KIF13A: variants seen among roughly 807,000 people sequenced by gnomAD.
KIF13A encodes kinesin family member 13A, also known as kinesin-like protein KIF13A.
Under a neutral mutation model 212.2 loss-of-function variants are expected in KIF13A, and 79 were observed. The ratio of observed to expected loss-of-function variants is 0.37; its 90% CI spans 0.31 to 0.45. KIF13A has a LOEUF of 0.45. Ranked by LOEUF, KIF13A falls within the 20% of genes least tolerant of loss-of-function variation. The pLI is 1.00. For missense variants in KIF13A, 1,901 were observed against 2,209.0 expected (o/e 0.86, Z 2.79); for synonymous variants, 789 against 808.6 (o/e 0.98, Z 0.41).
At chr6:17,805,370 C>CGTGT (rs59526903) in intron 19 of KIF13A, 105 bp downstream of exon 19, 16,006 of 730,600 alleles carry the variant, frequency 0.022, 130 homozygotes, top group African/African-American at 0.054. Context: ...AGCACATCTC[C>CGTGT]GTGTGTGTGT....
chr6:17,942,337 T>A (rs13218840), intron 2 of KIF13A, among the ~76,000 whole-genome samples: 2 of 43,828 alleles, frequency 4.6e-5, no homozygotes, highest in Non-Finnish European at 7.3e-5. Flanking sequence ...CAACAACAAA[T>A]ATATATATAT....
intron 4 of KIF13A, among the ~76,000 whole-genome samples, chr6:17,858,157 C>T (rs565429534): frequency 1.3e-5 from 2 of 150,744 alleles, no homozygotes; most frequent in East Asian, 3.9e-4. Context: ...GAGAGATCTA[C>T]AAATGCTAAA....
intron 13 of KIF13A, among the ~76,000 whole-genome samples, chr6:17,830,187 G>A (rs751348879): frequency 2.6e-5 from 4 of 152,112 alleles, no homozygotes; most frequent in Admixed American, 6.5e-5. Context: ...AGAACCCCCG[G>A]GGTCTCTGAG....
rs534618348 is a variant in KIF13A at position 17,843,860 on chromosome 6, C to T, written c.830+5517G>A. Among the ~76,000 whole-genome samples, 5 of 152,206 alleles carry T rather than the reference C, an allele frequency of 3.3e-5. No homozygotes were observed. The highest frequency in any genetic ancestry group is 5.9e-5 in the Non-Finnish European group (4 of 68,012). ...AGGAGTTTGAGACCAGCCTGGCCAACATGGTGAAACCCTTCCACTACTAAA... is the reference window on the plus strand; with the variant it reads ...AGGAGTTTGAGACCAGCCTGGCCAATATGGTGAAACCCTTCCACTACTAAA... On this transcript the variant is annotated intron_variant, in intron 9 of 38. Coordinates refer to ENST00000259711, the MANE Select transcript of KIF13A (RefSeq NM_022113.6). This position sits in a 1 kb window ranked among gnomAD's most constrained non-coding sequence, Gnocchi z 5.3.
intron 38 of KIF13A, among the ~76,000 whole-genome samples, chr6:17,766,875 G>C (rs905987746): frequency 6.6e-6 from 1 of 152,078 alleles, no homozygotes; most frequent in Non-Finnish European, 1.5e-5. Flanking sequence ...CTCAAAAAAA[G>C]TTTAATACTC....
At chr6:17,822,379 G>T (rs1044619777) in intron 16 of KIF13A, among the ~76,000 whole-genome samples, 7 of 152,134 alleles carry the variant, frequency 4.6e-5, no homozygotes, top group African/African-American at 1.4e-4. Context: ...ATCAACACTG[G>T]AGAGCAAGGC....
rs1761379170 is a variant in KIF13A at position 17,789,786 on chromosome 6, T to TCCTCCTC, written c.3261+79_3261+85dup. On this transcript the variant is annotated intron_variant, in intron 26 of 38. Coordinates refer to ENST00000259711, the MANE Select transcript of KIF13A (RefSeq NM_022113.6). The surrounding 1 kb of genome is among the most constrained non-coding windows in gnomAD (Gnocchi z 4.8). ...CATATTCTCGCTCTAGGGCCCTCCT[T>TCCTCCTC]CCTCCTCCCTGGCCTCTGCTTTGCG... 1.8e-6 allele frequency: 2 copies of TCCTCCTC among 1,129,608 alleles called. No individual in the cohort carries two copies. The highest frequency in any genetic ancestry group is 2.6e-6 in the Non-Finnish European group (2 of 761,440). The allele number at this position is 1,129,608 out of a possible 1,614,324, so 70.0% of individuals were successfully genotyped here.
At chr6:17,833,855 C>CAAAAAAAAAAAAA (rs11358140) in intron 12 of KIF13A, 106 bp downstream of exon 12, 2 of 365,542 alleles carry the variant, frequency 5.5e-6, no homozygotes, top group South Asian at 3.5e-5. Flanking sequence ...GACTCCGTCT[C>CAAAAAAAAAAAAA]AAAAAAAAAA....
chr6:17,930,237 A>G (rs149636165), intron 2 of KIF13A, among the ~76,000 whole-genome samples: 277 of 152,308 alleles, frequency 1.8e-3, no homozygotes, highest in African/African-American at 6.4e-3. Context: ...TATACATTAA[A>G]CCATTTGGGA....
chr6:17,873,469 GATTA>G (rs1481262807), intron 3 of KIF13A, 32 bp from the exon 4 acceptor site: 2 of 1,433,244 alleles, frequency 1.4e-6, no homozygotes, highest in Admixed American at 2.0e-5. Context: ...TAAACTTAAA[GATTA>G]ATTAACTTCT....
In KIF13A at chr6:17,905,030, C is replaced by T. The variant is rs550125456; in HGVS notation, c.147-6850G>A. Among the ~76,000 whole-genome samples the T allele has an allele frequency of 8.5e-5, 13 of 152,326 alleles. No individual in the cohort carries two copies. The East Asian group carries it at 1.9e-3, about 23-fold the overall frequency. ...TCTTCTAAGTCAAACTTGCCCAACC[C>T]GTGGCCTACGGGCCTCATGGGGCCC... On this transcript the variant is annotated intron_variant, in intron 2 of 38. Transcript: ENST00000259711.
chr6:17,936,401 T>C, intron 2 of KIF13A: 1 of 193,306 alleles, frequency 5.2e-6, no homozygotes, highest in Non-Finnish European at 1.2e-5. Context: ...GTGCTGGGAT[T>C]ACAGGGATGA....
chr6:17,872,510 A>G lies in KIF13A; in HGVS notation c.220+867T>C, dbSNP rs1348404863. Among the ~76,000 whole-genome samples, 1 of 152,238 alleles carries G rather than the reference A, an allele frequency of 6.6e-6. No individual in the cohort carries two copies. The highest frequency in any genetic ancestry group is 1.9e-4 in the East Asian group (1 of 5,198). ...GTAGACTTTAAGTGTTCTTACCACAAAAAAGGATAAGTTCATGAGGTAAAG... is the reference window on the plus strand; with the variant it reads ...GTAGACTTTAAGTGTTCTTACCACAGAAAAGGATAAGTTCATGAGGTAAAG... On this transcript the variant is annotated intron_variant, in intron 4 of 38. Transcript: ENST00000259711. The surrounding 1 kb of genome is among the most constrained non-coding windows in gnomAD (Gnocchi z 4.7).
At chr6:17,801,202 C>T (rs1762446030) in intron 20 of KIF13A, among the ~76,000 whole-genome samples, 1 of 151,966 alleles carries the variant, frequency 6.6e-6, no homozygotes, top group Non-Finnish European at 1.5e-5. Flanking sequence ...AGAAGTAACT[C>T]ACTAACAGGC....
Position 17,775,168 on chromosome 6 carries a change from T to C in KIF13A, c.4171-106A>G, listed in dbSNP as rs1232558758. 12 of 821,702 alleles carry C rather than the reference T, an allele frequency of 1.5e-5. No individual in the cohort carries two copies. In the African/African-American group the frequency reaches 2.1e-4, roughly 14 times the overall value. 50.9% of individuals were successfully genotyped at this position (821,702 alleles called of 1,614,324 possible). A position where few individuals can be genotyped will look rare whatever the true frequency, so the allele number is the denominator to read the frequency against. ...CACAGTTGAAGCCTGCAGTCTTCATTCTTCTCCTCCTCTTTCTTCCCTCTC... is the reference window on the plus strand; with the variant it reads ...CACAGTTGAAGCCTGCAGTCTTCATCCTTCTCCTCCTCTTTCTTCCCTCTC... On this transcript the variant is annotated intron_variant, in intron 34 of 38. Coordinates refer to ENST00000259711, the MANE Select transcript of KIF13A (RefSeq NM_022113.6).
intron 2 of KIF13A, among the ~76,000 whole-genome samples, chr6:17,966,786 C>G (rs1270895835): frequency 6.6e-6 from 1 of 152,000 alleles, no homozygotes; most frequent in East Asian, 1.9e-4. Context: ...ATTGCACGAA[C>G]AATAATAACA....
chr6:17,832,647 T>A (rs10949458), intron 12 of KIF13A, among the ~76,000 whole-genome samples: 65,236 of 150,076 alleles, frequency 0.43, 15,009 homozygotes, highest in South Asian at 0.54. Context: ...CAATAAAAAA[T>A]TAAATAAATA....
At chr6:17,903,710 G>C (rs1773248624) in intron 2 of KIF13A, among the ~76,000 whole-genome samples, 1 of 152,172 alleles carries the variant, frequency 6.6e-6, no homozygotes, top group Admixed American at 6.6e-5. Context: ...AAGACTGACA[G>C]GCAGGGATGT....
intron 2 of KIF13A, among the ~76,000 whole-genome samples, chr6:17,939,939 C>T (rs1053367221): frequency 2.6e-5 from 4 of 150,960 alleles, no homozygotes; most frequent in Admixed American, 6.6e-5. Context: ...ACTCGGGAGG[C>T]TGAGGCAGGA....
Sources: gnomAD v4.1 joint callset for allele counts (sites outside exome capture counted in the v4.1 genomes callset) on GRCh38, gnomAD v4.1.1 for gene constraint, Gnocchi (gnomAD v3.1) non-coding constraint, MANE v1.5 for transcripts, NCBI Gene and HGNC (gene_info 2026-07-23, HGNC 2026-07-21) for gene names.